The following SORBS2 variants were observed in gnomAD, a reference collection of about 807,000 sequenced individuals.
SORBS2 encodes sorbin and SH3 domain-containing protein 2.
Under a neutral mutation model 97.7 loss-of-function variants are expected in SORBS2, and 46 were observed. The observed-to-expected ratio is 0.47, with a 90% confidence interval of 0.37 to 0.60. The LOEUF is 0.60. SORBS2 is among the 20% of genes least tolerant of loss of function. SORBS2 has a pLI of 0.00. For synonymous variants in SORBS2, 476 were observed against 473.4 expected, an observed-to-expected ratio of 1.01 and a Z score of -0.07; for missense variants, 1,316 against 1,282.3, an observed-to-expected ratio of 1.03 and a Z score of -0.40.
At chr4:185,630,801 G>A (rs1462051059) in intron 4 of SORBS2, among the ~76,000 whole-genome samples, 1 of 152,146 alleles carries the variant, frequency 6.6e-6, no homozygotes, top group Non-Finnish European at 1.5e-5. Flanking sequence ...TTTCCCTTCT[G>A]ATATAATGCA....
intron 1 of SORBS2, among the ~76,000 whole-genome samples, chr4:185,929,952 A>T (rs915952241): frequency 1.3e-5 from 2 of 152,208 alleles, no homozygotes; most frequent in Non-Finnish European, 2.9e-5. Context: ...GCCTCAGCTC[A>T]GCCATGGATA....
chr4:185,924,764 G>A (rs556956588), intron 1 of SORBS2, among the ~76,000 whole-genome samples: 6 of 152,140 alleles, frequency 3.9e-5, no homozygotes, highest in Non-Finnish European at 8.8e-5. Flanking sequence ...CTTTGCTGCC[G>A]CACAGCGAGT....
chr4:185,734,629 C>T (rs1449501391), intron 2 of SORBS2, among the ~76,000 whole-genome samples: 3 of 152,154 alleles, frequency 2.0e-5, no homozygotes, highest in Non-Finnish European at 2.9e-5. Context: ...TCGCATCTGC[C>T]GTTCCCACCT....
intron 2 of SORBS2, among the ~76,000 whole-genome samples, chr4:185,769,293 G>A (rs527286334): frequency 2.6e-4 from 39 of 152,244 alleles, no homozygotes; most frequent in Non-Finnish European, 4.1e-4. Context: ...TTTATACAGC[G>A]TTTTTAATAA....
At chr4:185,835,571 ATTTGCGC>A (rs1279257151) in intron 1 of SORBS2, among the ~76,000 whole-genome samples, 3 of 151,606 alleles carry the variant, frequency 2.0e-5, no homozygotes, top group African/African-American at 7.3e-5. Flanking sequence ...GTGACAATTC[ATTTGCGC>A]ACTGTTCAAA....
At chr4:185,812,520 C>G (rs2099188542) in intron 1 of SORBS2, among the ~76,000 whole-genome samples, 1 of 152,210 alleles carries the variant, frequency 6.6e-6, no homozygotes, top group Non-Finnish European at 1.5e-5. Context: ...CTATTAGTGG[C>G]TATCCAGGTT....
chr4:185,634,749 G>T (rs1581453352), intron 4 of SORBS2, among the ~76,000 whole-genome samples: 1 of 152,034 alleles, frequency 6.6e-6, no homozygotes, highest in Non-Finnish European at 1.5e-5. Context: ...CATTTTATAT[G>T]CCAATGATAA....
intron 2 of SORBS2, among the ~76,000 whole-genome samples, chr4:185,752,928 T>C (rs1289493481): frequency 2.0e-5 from 3 of 152,230 alleles, no homozygotes; most frequent in Admixed American, 6.5e-5. Context: ...TTATTCACAA[T>C]AGTTGATCTT....
At chr4:185,763,060 G>A (rs1277496981) in intron 2 of SORBS2, among the ~76,000 whole-genome samples, 2 of 152,104 alleles carry the variant, frequency 1.3e-5, no homozygotes, top group African/African-American at 4.8e-5. Flanking sequence ...GTGGTGGCAG[G>A]TGCCTGTAAT....
rs753568627 is a variant in SORBS2 at position 185,623,821 on chromosome 4, A to G, written c.1308T>C (p.Ser436=). The stretch of plus-strand genomic sequence containing the variant: ...TTTGCGGTGGTTCTAGGGTTACGGG[A>G]GACAGCATGTCATCCCCTAAATTTG... Residue 436 remains serine, a synonymous_variant, in exon 7 of 15, where the codon TCT becomes TCC. Coordinates refer to ENST00000418609, the Ensembl canonical transcript of SORBS2. The surrounding 1 kb of genome is among the most constrained non-coding windows in gnomAD (Gnocchi z 6.4). 6.8e-6 allele frequency: 11 copies of G among 1,613,958 alleles called. No individual in the cohort carries two copies. The highest frequency in any genetic ancestry group is 9.3e-6 in the Non-Finnish European group (11 of 1,180,010).
chr4:185,652,045 G>A (rs546896001), intron 2 of SORBS2, among the ~76,000 whole-genome samples: 9 of 152,090 alleles, frequency 5.9e-5, no homozygotes, highest in African/African-American at 1.9e-4. Flanking sequence ...GCTTACTGCA[G>A]CCTCCAAACC....
chr4:185,686,572 T>C (rs2153512805), intron 2 of SORBS2, among the ~76,000 whole-genome samples: 1 of 152,296 alleles, frequency 6.6e-6, no homozygotes, highest in East Asian at 1.9e-4. Context: ...TGAAAGTGCT[T>C]AGAGACAAGT....
chr4:185,816,948 A>G (rs7673798), intron 1 of SORBS2, among the ~76,000 whole-genome samples: 80,436 of 151,600 alleles, frequency 0.53, 21,679 homozygotes, highest in East Asian at 0.7. Flanking sequence ...CCCCCTAGAA[A>G]TTCTGTATAC....
intron 2 of SORBS2, among the ~76,000 whole-genome samples, chr4:185,741,599 C>A (rs1225814115): frequency 6.6e-6 from 1 of 151,898 alleles, no homozygotes; most frequent in East Asian, 1.9e-4. Flanking sequence ...AAACTCTTGA[C>A]CTCAAATGCC....
chr4:185,812,553 A>C (rs2099188607), intron 1 of SORBS2, among the ~76,000 whole-genome samples: 1 of 152,260 alleles, frequency 6.6e-6, no homozygotes, highest in Non-Finnish European at 1.5e-5. Context: ...ATCACTTAAG[A>C]GACCCTAACT....
chr4:185,660,351 G>A (rs1357820579), upstream of SORBS2, among the ~76,000 whole-genome samples: 1 of 152,158 alleles, frequency 6.6e-6, no homozygotes, highest in Non-Finnish European at 1.5e-5. Flanking sequence ...TAAATGCATA[G>A]TTCCATTTTA....
chr4:185,867,700 C>T (rs1044106851), intron 1 of SORBS2, among the ~76,000 whole-genome samples: 11 of 152,076 alleles, frequency 7.2e-5, no homozygotes, highest in African/African-American at 1.9e-4. Context: ...GTCCTGACAC[C>T]GGTCTAGGCT....
At chr4:185,747,572 G>A (rs2098770555) in intron 2 of SORBS2, among the ~76,000 whole-genome samples, 1 of 152,180 alleles carries the variant, frequency 6.6e-6, no homozygotes, top group East Asian at 1.9e-4. Flanking sequence ...CAAGCTTCCA[G>A]GACACCACCG....
At chr4:185,852,877 G>A (rs2099218716) in intron 1 of SORBS2, among the ~76,000 whole-genome samples, 1 of 152,060 alleles carries the variant, frequency 6.6e-6, no homozygotes, top group Non-Finnish European at 1.5e-5. Context: ...TTACCACCAC[G>A]CAAATCACCA....
Sources: gnomAD v4.1 joint callset for allele counts (sites outside exome capture counted in the v4.1 genomes callset) on GRCh38, gnomAD v4.1.1 for gene constraint, Gnocchi (gnomAD v3.1) non-coding constraint, MANE v1.5 for transcripts, NCBI Gene and HGNC (gene_info 2026-07-23, HGNC 2026-07-21) for gene names.